CLASP1: variants seen among roughly 807,000 people sequenced by gnomAD.
The protein encoded by CLASP1 is CLIP-associating protein 1.
In CLASP1, 38 loss-of-function variants were observed where a neutral mutation model predicts 192.3. The ratio of observed to expected loss-of-function variants is 0.20; its 90% CI spans 0.15 to 0.26. The LOEUF (loss-of-function observed/expected upper bound fraction) is 0.26, where lower values mean the gene tolerates loss of function less well. Ranked by LOEUF, CLASP1 falls within the 10% of genes least tolerant of loss-of-function variation. The pLI is 1.00. For missense variants in CLASP1, 1,433 were observed against 1,932.5 expected (o/e 0.74, Z 4.85); for synonymous variants, 691 against 712.8 (o/e 0.97, Z 0.49).
At chr2:121,586,983 C>T (rs2061782198) in intron 2 of CLASP1, among the ~76,000 whole-genome samples, 1 of 152,220 alleles carries the variant, frequency 6.6e-6, no homozygotes, top group South Asian at 2.1e-4. Context: ...TGGCTCACAC[C>T]TGTAATCCCA....
In CLASP1 at chr2:121,407,892, T is replaced by C. The variant is rs756756112; in HGVS notation, c.2425-177A>G. ...ATAAAAACAGAAAAGCAGTTTTCCA[T>C]TAGGTAAATAAGCAAAGCACTCTGT... On this transcript the variant is annotated intron_variant, in intron 24 of 39. Coordinates refer to ENST00000263710, the Ensembl canonical transcript of CLASP1. 5 of 829,170 alleles carry C rather than the reference T, an allele frequency of 6.0e-6. No individual in the cohort carries two copies. In the East Asian group the frequency reaches 9.9e-5, roughly 16 times the overall value. The allele number at this position is 829,170 out of a possible 1,614,324, so 51.4% of individuals were successfully genotyped here.
chr2:121,386,493 C>T (rs1463819187), intron 32 of CLASP1, among the ~76,000 whole-genome samples: 1 of 152,226 alleles, frequency 6.6e-6, no homozygotes, highest in Non-Finnish European at 1.5e-5. Context: ...CTTCTAAAGG[C>T]TCTTGTCAGA....
intron 1 of CLASP1, among the ~76,000 whole-genome samples, chr2:121,627,258 TTG>T (rs2106179133): frequency 6.6e-6 from 1 of 152,294 alleles, no homozygotes; most frequent in East Asian, 1.9e-4. Context: ...TTGCAACTTC[TTG>T]TGAATCTATA....
intron 2 of CLASP1, among the ~76,000 whole-genome samples, chr2:121,600,573 A>G (rs953890527): frequency 6.6e-6 from 1 of 152,154 alleles, no homozygotes; most frequent in Non-Finnish European, 1.5e-5. Flanking sequence ...AAAATTCTCA[A>G]TTCCTTTAGG....
intron 10 of CLASP1, among the ~76,000 whole-genome samples, chr2:121,461,510 C>A (rs1245533232): frequency 1.3e-5 from 2 of 152,128 alleles, no homozygotes; most frequent in African/African-American, 2.4e-5. Context: ...TCATTTCTCA[C>A]TTAGTATTAT....
chr2:121,366,109 G>C (rs146631223), intron 35 of CLASP1, among the ~76,000 whole-genome samples: 3 of 152,260 alleles, frequency 2.0e-5, no homozygotes, highest in Non-Finnish European at 4.4e-5. Context: ...AAATGGTAAA[G>C]AACTCTGTCA....
chr2:121,628,781 T>C (rs1387025491), intron 1 of CLASP1, among the ~76,000 whole-genome samples: 2 of 151,708 alleles, frequency 1.3e-5, no homozygotes, highest in African/African-American at 2.4e-5. Flanking sequence ...GCAACATCTC[T>C]TCACCCAACC....
At chr2:121,400,585 G>A (rs970749760) in intron 28 of CLASP1, among the ~76,000 whole-genome samples, 4 of 152,200 alleles carry the variant, frequency 2.6e-5, no homozygotes, top group Non-Finnish European at 5.9e-5. Context: ...AATAAAAACA[G>A]ACAACAGTGC....
At chr2:121,603,189 A>G in intron 2 of CLASP1, 1 of 151,996 alleles carries the variant, frequency 6.6e-6, no homozygotes, top group African/African-American at 2.4e-5. Context: ...TCCAGAATAA[A>G]CAAGGAACTC....
intron 32 of CLASP1, among the ~76,000 whole-genome samples, chr2:121,384,167 TATAC>T (rs1315891193): frequency 1.5e-4 from 21 of 142,032 alleles, no homozygotes; most frequent in South Asian, 4.4e-4. Flanking sequence ...CATATATATA[TATAC>T]ACACACACAC....
intron 23 of CLASP1, among the ~76,000 whole-genome samples, chr2:121,417,903 C>T (rs569648242): frequency 2.0e-5 from 3 of 152,280 alleles, no homozygotes; most frequent in African/African-American, 7.2e-5. Context: ...GTCCACAGAT[C>T]CACATAATTT....
chr2:121,462,681 T>C (rs2088348333), intron 9 of CLASP1, 76 bp from the exon 10 acceptor site: 2 of 806,486 alleles, frequency 2.5e-6, no homozygotes, highest in South Asian at 1.6e-5. Flanking sequence ...AGTCTAAACA[T>C]ACACAATCAA....
intron 32 of CLASP1, among the ~76,000 whole-genome samples, chr2:121,384,075 C>T (rs796337464): frequency 1.5e-5 from 2 of 135,898 alleles, no homozygotes; most frequent in Non-Finnish European, 3.3e-5. Context: ...TATACACACA[C>T]ACATATATAT....
At chr2:121,353,334 C>T (rs553751438) in intron 37 of CLASP1, among the ~76,000 whole-genome samples, 1 of 152,294 alleles carries the variant, frequency 6.6e-6, no homozygotes, top group African/African-American at 2.4e-5. Flanking sequence ...CACAGAGGCC[C>T]AGTCATCACA....
chr2:121,391,376 T>C (rs1486431343), intron 30 of CLASP1, among the ~76,000 whole-genome samples: 4 of 152,104 alleles, frequency 2.6e-5, no homozygotes, highest in Admixed American at 6.6e-5. Flanking sequence ...GTTGGGAGGA[T>C]TGAATCAGAG....
intron 1 of CLASP1, among the ~76,000 whole-genome samples, chr2:121,647,166 A>G (rs1370870563): frequency 1.3e-5 from 2 of 152,056 alleles, no homozygotes; most frequent in African/African-American, 4.8e-5. Context: ...TCAGGAGTTC[A>G]AGACCAGCCT....
intron 8 of CLASP1, among the ~76,000 whole-genome samples, chr2:121,480,903 AAG>A (rs1303928512): frequency 6.6e-6 from 1 of 152,214 alleles, no homozygotes; most frequent in Non-Finnish European, 1.5e-5. Flanking sequence ...GTGCCTGCCT[AAG>A]AGAGAGGCAA....
chr2:121,382,664 A>C (rs548626483), intron 32 of CLASP1, among the ~76,000 whole-genome samples: 17 of 152,358 alleles, frequency 1.1e-4, no homozygotes, highest in African/African-American at 4.1e-4. Flanking sequence ...TGGGAAGGAC[A>C]TAACACAATA....
At chr2:121,472,089 A>C (rs1344051055) in intron 8 of CLASP1, among the ~76,000 whole-genome samples, 2 of 152,222 alleles carry the variant, frequency 1.3e-5, no homozygotes, top group Admixed American at 6.5e-5. Flanking sequence ...GAGTGGGAAC[A>C]GTTCCAGTCT....
Sources: gnomAD v4.1 joint callset for allele counts (sites outside exome capture counted in the v4.1 genomes callset) on GRCh38, gnomAD v4.1.1 for gene constraint, MANE v1.5 for transcripts, NCBI Gene and HGNC (gene_info 2026-07-23, HGNC 2026-07-21) for gene names.